DNAH9: variants seen among roughly 807,000 people sequenced by gnomAD.
DNAH9 encodes DNAH9 variant protein.
A neutral mutation model predicts 471.6 loss-of-function variants in DNAH9; 345 were observed. The ratio of observed to expected loss-of-function variants is 0.73; its 90% CI spans 0.67 to 0.80. The LOEUF (loss-of-function observed/expected upper bound fraction) is 0.80. DNAH9 is among the 30% of genes least tolerant of loss of function. The pLI, the probability that DNAH9 is intolerant of heterozygous loss-of-function variation, is 0.00. For synonymous variants in DNAH9, 2,093 were observed against 2,123.6 expected (o/e 0.99, Z 0.40); for missense variants, 5,407 against 5,609.2 (o/e 0.96, Z 1.15).
At chr17:11,784,934 G>C (rs1276296585) in intron 41 of DNAH9, among the ~76,000 whole-genome samples, 2 of 152,040 alleles carry the variant, frequency 1.3e-5, no homozygotes, top group Non-Finnish European at 2.9e-5. Flanking sequence ...ATGAAAAAGA[G>C]TGTTCCCCAA....
At chr17:11,884,271 A>G in intron 56 of DNAH9, 1 of 204,420 alleles carries the variant, frequency 4.9e-6, no homozygotes. Flanking sequence ...ACAGTGCCCT[A>G]CTGTGTGTAG....
At chr17:11,747,819 T>A in intron 32 of DNAH9, 53 bp downstream of exon 32, 1 of 1,509,352 alleles carries the variant, frequency 6.6e-7, no homozygotes, top group Non-Finnish European at 9.2e-7. Context: ...AGAGTCCCTG[T>A]GGCGGGCTTG....
chr17:11,620,511 C>CAAAA (rs11440277), intron 6 of DNAH9, among the ~76,000 whole-genome samples: 2 of 119,154 alleles, frequency 1.7e-5, no homozygotes, highest in Non-Finnish European at 3.4e-5. Flanking sequence ...GACTCTGTCT[C>CAAAA]AAAAAAAAAA....
At chr17:11,954,263 T>C (rs1283954005) in intron 67 of DNAH9, among the ~76,000 whole-genome samples, 1 of 151,888 alleles carries the variant, frequency 6.6e-6, no homozygotes, top group Non-Finnish European at 1.5e-5. Context: ...AAAAAACTAT[T>C]TGAAGAAATA....
At chr17:11,751,418 A>T (rs1967146121) in intron 32 of DNAH9, among the ~76,000 whole-genome samples, 1 of 152,058 alleles carries the variant, frequency 6.6e-6, no homozygotes, top group African/African-American at 2.4e-5. Flanking sequence ...TGACCAAGTA[A>T]AAGCTATTCC....
At chr17:11,809,564 C>T (rs1181309696) in intron 44 of DNAH9, among the ~76,000 whole-genome samples, 1 of 151,838 alleles carries the variant, frequency 6.6e-6, no homozygotes, top group Non-Finnish European at 1.5e-5. Context: ...GAGAATCCAT[C>T]TCAAAAAATA....
chr17:11,907,329 G>A (rs933400781), intron 61 of DNAH9, among the ~76,000 whole-genome samples: 2 of 152,064 alleles, frequency 1.3e-5, no homozygotes, highest in Non-Finnish European at 2.9e-5. Flanking sequence ...AATTAGCTGG[G>A]CATGGTGGTG....
At chr17:11,727,058 A>G (rs1197454577) in intron 27 of DNAH9, among the ~76,000 whole-genome samples, 1 of 145,312 alleles carries the variant, frequency 6.9e-6, no homozygotes, top group Non-Finnish European at 1.5e-5. Flanking sequence ...AAAAAAAAAA[A>G]AAAAAAAAAA....
intron 38 of DNAH9, among the ~76,000 whole-genome samples, chr17:11,771,032 C>G (rs1968184829): frequency 6.6e-6 from 1 of 152,162 alleles, no homozygotes; most frequent in Non-Finnish European, 1.5e-5. Flanking sequence ...CCAGTATACA[C>G]ATGATAGTAA....
At chr17:11,952,981 G>A (rs1049355208) in intron 67 of DNAH9, among the ~76,000 whole-genome samples, 1 of 152,192 alleles carries the variant, frequency 6.6e-6, no homozygotes, top group Non-Finnish European at 1.5e-5. Context: ...TCAAATGGCA[G>A]GGAGGCAGAG....
intron 14 of DNAH9, among the ~76,000 whole-genome samples, chr17:11,661,438 T>C (rs1243108539): frequency 6.6e-6 from 1 of 152,184 alleles, no homozygotes; most frequent in African/African-American, 2.4e-5. Flanking sequence ...ATTTGTATGG[T>C]TGAATTTAGC....
At chr17:11,802,890 C>G (rs928485793) in intron 43 of DNAH9, among the ~76,000 whole-genome samples, 1 of 152,162 alleles carries the variant, frequency 6.6e-6, no homozygotes, top group Non-Finnish European at 1.5e-5. Flanking sequence ...AACTCAGTAA[C>G]AGAGCACTGT....
chr17:11,672,023 T>G (rs1378094274), intron 17 of DNAH9, among the ~76,000 whole-genome samples: 1 of 152,214 alleles, frequency 6.6e-6, no homozygotes, highest in Non-Finnish European at 1.5e-5. Context: ...AAGATTTTAT[T>G]GTATTCTGGA....
chr17:11,950,870 C>T (rs1049518532), intron 67 of DNAH9, among the ~76,000 whole-genome samples: 6 of 152,168 alleles, frequency 3.9e-5, no homozygotes, highest in Non-Finnish European at 8.8e-5. Context: ...TTATCTGCCT[C>T]GCTCTGGCCC....
rs943227620 is a variant in DNAH9 at position 11,783,728 on chromosome 17, A to G, written c.7801A>G (p.Thr2601Ala). 9 of 1,614,048 alleles carry G rather than the reference A, an allele frequency of 5.6e-6. No homozygotes were observed. Among genetic ancestry groups the G allele is most frequent in the Non-Finnish European group, 6.8e-6 (8 of 1,179,986 alleles). The part of the protein sequence containing the change: ...SCMNPTAGSF[T>A]INPRLQRHFS... ...TATGAACCCCACGGCAGGCAGCTTC[A>G]CCATCAACCCCCGGCTTCAGGTACA... Residue 2601 changes from threonine (T) to alanine (A), a missense_variant, in exon 40 of 69, where the codon ACC becomes GCC. Physicochemically the swap from Thr to Ala is moderately conservative, Grantham distance 58. Coordinates refer to ENST00000262442, the MANE Select transcript of DNAH9 (RefSeq NM_001372.4).
At chr17:11,797,536 T>C in intron 42 of DNAH9, 61 bp from the exon 43 acceptor site, 1 of 1,423,612 alleles carries the variant, frequency 7.0e-7, no homozygotes, top group East Asian at 2.3e-5. Context: ...GTGTCTCTGC[T>C]CTGTGGAACC....
chr17:11,704,043 G>T (rs554858257), intron 24 of DNAH9, among the ~76,000 whole-genome samples, 160 bp from the exon 25 acceptor site: 44 of 152,338 alleles, frequency 2.9e-4, no homozygotes, highest in Non-Finnish European at 5.0e-4. Flanking sequence ...ACCTTCAAGG[G>T]TTTAGAGCAT....
chr17:11,845,903 C>T (rs1471034897), intron 49 of DNAH9, among the ~76,000 whole-genome samples: 53 of 140,954 alleles, frequency 3.8e-4, no homozygotes, highest in African/African-American at 6.4e-4. Flanking sequence ...TGGATATTAG[C>T]CCTTTGTCAG....
chr17:11,758,254 A>G (rs1967490331), intron 35 of DNAH9, among the ~76,000 whole-genome samples: 1 of 152,212 alleles, frequency 6.6e-6, no homozygotes, highest in South Asian at 2.1e-4. Context: ...CTGACCACTT[A>G]TCACTAAGCA....
Sources: gnomAD v4.1 joint callset for allele counts (sites outside exome capture counted in the v4.1 genomes callset) on GRCh38, gnomAD v4.1.1 for gene constraint, MANE v1.5 for transcripts, NCBI Gene and HGNC (gene_info 2026-07-23, HGNC 2026-07-21) for gene names.